INSYN2B: variants seen among roughly 807,000 people sequenced by gnomAD.
INSYN2B encodes inhibitory synaptic factor family member 2B.
A neutral mutation model predicts 41.2 loss-of-function variants in INSYN2B; 16 were observed. That is an observed-to-expected ratio of 0.39 (90% CI 0.26 to 0.59). INSYN2B has a LOEUF of 0.59. Ranked by LOEUF, INSYN2B falls within the 20% of genes least tolerant of loss-of-function variation. The probability of loss-of-function intolerance (pLI) is 0.57; values close to 1 mark genes in which losing one functional copy is unlikely to be tolerated. For synonymous variants in INSYN2B, 245 were observed against 244.4 expected (o/e 1.00, Z -0.02); for missense variants, 608 against 646.4 (o/e 0.94, Z 0.64).
At chr5:169,916,668 A>G (rs11749769) in intron 1 of INSYN2B, among the ~76,000 whole-genome samples, 53,968 of 131,946 alleles carry the variant, frequency 0.41, 10,061 homozygotes, top group South Asian at 0.47. Flanking sequence ...AGGGATTGGT[A>G]ACTTTTCAAA....
At chr5:169,910,312 A>T (rs772058895) in intron 1 of INSYN2B, among the ~76,000 whole-genome samples, 32 of 152,178 alleles carry the variant, frequency 2.1e-4, no homozygotes, top group Non-Finnish European at 4.6e-4. Context: ...TGTAAGGAAG[A>T]TCTCTTTTGA....
At chr5:169,868,802 T>C (rs922073782) in intron 3 of INSYN2B, among the ~76,000 whole-genome samples, 4 of 152,124 alleles carry the variant, frequency 2.6e-5, no homozygotes, top group Non-Finnish European at 5.9e-5. Context: ...TTCTAGAATG[T>C]GTATGGAACT....
chr5:169,875,826 A>G (rs1006178141), intron 3 of INSYN2B: 1 of 152,658 alleles, frequency 6.6e-6, no homozygotes, highest in African/African-American at 2.4e-5. Context: ...AGCTGTTATC[A>G]TTGTAAAAAT....
At chr5:169,956,492 G>T (rs1364361653) in intron 1 of INSYN2B, among the ~76,000 whole-genome samples, 10 of 152,172 alleles carry the variant, frequency 6.6e-5, no homozygotes, top group African/African-American at 2.4e-4. Context: ...TTTAAGGAGG[G>T]ACTTCCAAAC....
Position 169,883,152 on chromosome 5 carries a change from T to G in INSYN2B, c.747A>C (p.Pro249=). 6.4e-7 allele frequency: 1 copy of G among 1,551,642 alleles called. No homozygotes were observed. Among genetic ancestry groups the G allele is most frequent in the South Asian group, 1.2e-5 (1 of 84,058 alleles). ...AGGAGGTGGATTTTTCTGAATCTAGTGGAGTCACCCTTCTCCCATCACCTG... is the reference window on the plus strand; with the variant it reads ...AGGAGGTGGATTTTTCTGAATCTAGGGGAGTCACCCTTCTCCCATCACCTG... ...TRPGDGRRVT[P]LDSEKSTSCL... Residue 249 remains proline, a synonymous_variant, in exon 2 of 4, where the codon CCA becomes CCC. Coordinates refer to ENST00000377365, the MANE Select transcript of INSYN2B (RefSeq NM_001129891.3).
At chr5:169,877,425 A>T (rs1772395850) in intron 3 of INSYN2B, among the ~76,000 whole-genome samples, 1 of 152,172 alleles carries the variant, frequency 6.6e-6, no homozygotes. Flanking sequence ...AATTGGAGTG[A>T]AGGGGTTGGA....
chr5:169,911,917 G>T (rs1774618695), intron 1 of INSYN2B, among the ~76,000 whole-genome samples: 1 of 152,150 alleles, frequency 6.6e-6, no homozygotes, highest in Non-Finnish European at 1.5e-5. Flanking sequence ...AGTCTCATGG[G>T]GCTATTAAAT....
rs1053692378 is a variant in INSYN2B, at chr5:169,861,814, C to T, written c.*2459G>A. ...AATTTTTCAGAAGAGAACTCCTTCCCAGTTTCAGGTCAGTGGCCCAAGCAA... is the reference window on the plus strand; with the variant it reads ...AATTTTTCAGAAGAGAACTCCTTCCTAGTTTCAGGTCAGTGGCCCAAGCAA... On this transcript the variant is annotated 3_prime_UTR_variant, in exon 4 of 4. Transcript: ENST00000377365. Among the ~76,000 whole-genome samples the T allele has an allele frequency of 9.9e-5, 15 of 152,136 alleles. No homozygotes were observed. Among genetic ancestry groups the T allele is most frequent in the African/African-American group, 3.6e-4 (15 of 41,432 alleles).
intron 1 of INSYN2B, among the ~76,000 whole-genome samples, chr5:169,948,153 A>T (rs1776519494): frequency 6.6e-6 from 1 of 151,776 alleles, no homozygotes; most frequent in Non-Finnish European, 1.5e-5. Context: ...ATTTCATCCA[A>T]CCTCTTCTCT....
intron 1 of INSYN2B, among the ~76,000 whole-genome samples, chr5:169,902,429 A>T (rs983630298): frequency 2.0e-5 from 3 of 152,230 alleles, no homozygotes; most frequent in Non-Finnish European, 4.4e-5. Context: ...TGAATAGTCC[A>T]GCAGGGCCTT....
intron 1 of INSYN2B, among the ~76,000 whole-genome samples, chr5:169,919,261 C>T (rs901425775): frequency 2.0e-5 from 3 of 152,170 alleles, no homozygotes; most frequent in African/African-American, 7.2e-5. Context: ...CGATATGGGG[C>T]AGAGGTGGGG....
At chr5:169,885,463 G>A (rs534081661) in intron 1 of INSYN2B, among the ~76,000 whole-genome samples, 68 of 152,302 alleles carry the variant, frequency 4.5e-4, no homozygotes, top group African/African-American at 1.5e-3. Context: ...CAGGACCTGT[G>A]AACTCGTTCT....
intron 1 of INSYN2B, among the ~76,000 whole-genome samples, chr5:169,925,448 T>G (rs1775388731): frequency 6.6e-6 from 1 of 151,884 alleles, no homozygotes; most frequent in African/African-American, 2.4e-5. Context: ...AGCGTGGTGT[T>G]GTGCACCTGT....
intron 1 of INSYN2B, among the ~76,000 whole-genome samples, chr5:169,885,064 T>G (rs779516703): frequency 2.0e-5 from 3 of 152,172 alleles, no homozygotes; most frequent in Admixed American, 6.5e-5. Context: ...CCAACTCCTG[T>G]TCATCAGTCA....
At chr5:169,967,560 C>CCGAA (rs1253193207) in intron 1 of INSYN2B, among the ~76,000 whole-genome samples, 1 of 152,060 alleles carries the variant, frequency 6.6e-6, no homozygotes, top group Admixed American at 6.5e-5. Context: ...ATGCAGGGAA[C>CCGAA]CGAACACCAT....
chr5:169,886,433 T>C (rs1194352201), intron 1 of INSYN2B, among the ~76,000 whole-genome samples: 1 of 152,228 alleles, frequency 6.6e-6, no homozygotes, highest in African/African-American at 2.4e-5. Flanking sequence ...CCAGAGACAA[T>C]TTCCTCAGTC....
chr5:169,922,561 G>A (rs1466917737), intron 1 of INSYN2B, among the ~76,000 whole-genome samples: 2 of 152,286 alleles, frequency 1.3e-5, no homozygotes, highest in South Asian at 2.1e-4. Flanking sequence ...AAAAATAACC[G>A]TTAATGGTTG....
chr5:169,950,168 T>C (rs1463944479), intron 1 of INSYN2B, among the ~76,000 whole-genome samples: 1 of 152,044 alleles, frequency 6.6e-6, no homozygotes, highest in African/African-American at 2.4e-5. Flanking sequence ...GGAGCCATCG[T>C]GGAAGGTGGT....
chr5:169,948,933 A>T (rs1776552594), intron 1 of INSYN2B, among the ~76,000 whole-genome samples: 1 of 151,290 alleles, frequency 6.6e-6, no homozygotes, highest in South Asian at 2.2e-4. Flanking sequence ...CATAACAAGC[A>T]TTTGTGAAAT....
Sources: allele counts gnomAD v4.1 joint callset (sites outside exome capture counted in the v4.1 genomes callset), GRCh38; gene constraint gnomAD v4.1.1; transcripts MANE v1.5; gene names NCBI Gene and HGNC (gene_info 2026-07-23, HGNC 2026-07-21).